ASCC3: variants seen among roughly 807,000 people sequenced by gnomAD.
ASCC3 encodes the protein activating signal cointegrator 1 complex subunit 3, also known as ASC-1 complex subunit P200.
ASCC3 carries 158 observed loss-of-function variants against 256.3 expected under a neutral mutation model. The ratio of observed to expected loss-of-function variants is 0.62; its 90% CI spans 0.54 to 0.70. The LOEUF is 0.70. ASCC3 is among the 30% of genes least tolerant of loss of function. The pLI, the probability that ASCC3 is intolerant of heterozygous loss-of-function variation, is 0.00. For synonymous variants in ASCC3, 948 were observed against 883.4 expected, an observed-to-expected ratio of 1.07 and a Z score of -1.30; for missense variants, 2,259 against 2,626.0, an observed-to-expected ratio of 0.86 and a Z score of 3.05.
chr6:100,609,600 T>G (rs1177721501), intron 30 of ASCC3, among the ~76,000 whole-genome samples: 1 of 152,084 alleles, frequency 6.6e-6, no homozygotes, highest in Non-Finnish European at 1.5e-5. Context: ...ACAAAATTTG[T>G]TGTAAAGAAC....
At chr6:100,700,730 T>C (rs951815044) in intron 13 of ASCC3, among the ~76,000 whole-genome samples, 1 of 152,232 alleles carries the variant, frequency 6.6e-6, no homozygotes. Flanking sequence ...CCACTGGATT[T>C]TGGACTTGTA....
intron 25 of ASCC3, among the ~76,000 whole-genome samples, chr6:100,634,510 T>C (rs1403651376): frequency 6.6e-6 from 1 of 152,046 alleles, no homozygotes; most frequent in East Asian, 1.9e-4. Flanking sequence ...TAAAAAGTTA[T>C]AATCCAAAAT....
rs1269827609 is a variant in ASCC3 at position 100,642,565 on chromosome 6, G to A, written c.3901+16C>T. ...TTGGAAAAATCAATGATTCAAATCA[G>A]CATTCACCATGTTACCTGTATGAGG... On this transcript the variant is annotated intron_variant, in intron 24 of 41. Transcript: ENST00000369162. The A allele has an allele frequency of 6.2e-7, 1 of 1,612,756 alleles. No homozygotes were observed. Among genetic ancestry groups the A allele is most frequent in the Admixed American group, 1.7e-5 (1 of 60,014 alleles).
At chr6:100,589,295 T>G (rs773476431) in intron 36 of ASCC3, among the ~76,000 whole-genome samples, 7 of 152,110 alleles carry the variant, frequency 4.6e-5, no homozygotes, top group Non-Finnish European at 8.8e-5. Flanking sequence ...TCCAAAAAAG[T>G]AATAAGAAAA....
intron 36 of ASCC3, among the ~76,000 whole-genome samples, chr6:100,580,782 T>C (rs1030537872): frequency 7.3e-6 from 1 of 136,406 alleles, no homozygotes; most frequent in Non-Finnish European, 1.5e-5. Flanking sequence ...CCTTCCTGTG[T>C]CCATGTGTTC....
chr6:100,830,775 C>T (rs1170267661), intron 4 of ASCC3, among the ~76,000 whole-genome samples: 2 of 152,194 alleles, frequency 1.3e-5, no homozygotes, highest in African/African-American at 4.8e-5. Context: ...TGTTTCTGGG[C>T]ATCAGGTGAT....
intron 36 of ASCC3, among the ~76,000 whole-genome samples, chr6:100,573,150 A>G (rs1290606577): frequency 6.6e-6 from 1 of 152,124 alleles, no homozygotes; most frequent in Non-Finnish European, 1.5e-5. Context: ...CATAAAAATG[A>G]TACTGAAACA....
In ASCC3 at chr6:100,508,289, A is replaced by T. The variant is rs1262320247; in HGVS notation, c.*1097T>A. On this transcript the variant is annotated 3_prime_UTR_variant, in exon 42 of 42. Coordinates refer to ENST00000369162, the MANE Select transcript of ASCC3 (RefSeq NM_006828.4). The stretch of plus-strand genomic sequence containing the variant: ...ACACTTAAATTCTAGTATTTGTAAC[A>T]ATGACATTGGAAAATGTTTTAAAAT... 8.5e-5 allele frequency: 13 copies of T among 152,234 alleles called. No homozygotes were observed. Among genetic ancestry groups the T allele is most frequent in the Non-Finnish European group, 1.6e-4 (11 of 68,030 alleles). The allele number at this position is 152,234 out of a possible 1,614,324, so 9.4% of individuals were successfully genotyped here. A position where few individuals can be genotyped will look rare whatever the true frequency, so the allele number is the denominator to read the frequency against.
Position 100,642,983 on chromosome 6 carries a change from T to C in ASCC3, c.3733-234A>G, listed in dbSNP as rs114430170. 2.2e-3 allele frequency among the ~76,000 whole-genome samples: 335 copies of C among 152,326 alleles called. 3 individuals are homozygous for C. Among genetic ancestry groups the C allele is most frequent in the African/African-American group, 7.9e-3 (327 of 41,582 alleles). On this transcript the variant is annotated intron_variant, in intron 23 of 41. Coordinates refer to ENST00000369162, the MANE Select transcript of ASCC3 (RefSeq NM_006828.4). Reference sequence around the variant, plus strand: ...AATTTATATTATTTACATATGCATATAATCATGTATTAACAAGTTACCAAT... The same window carrying C: ...AATTTATATTATTTACATATGCATACAATCATGTATTAACAAGTTACCAAT...
chr6:100,624,813 T>C (rs1180549127), intron 30 of ASCC3, among the ~76,000 whole-genome samples: 2 of 151,892 alleles, frequency 1.3e-5, no homozygotes. Context: ...GAAAGGATAA[T>C]AACAGGTTTT....
At chr6:100,742,577 G>GC (rs1780488371) in intron 10 of ASCC3, among the ~76,000 whole-genome samples, 1 of 152,184 alleles carries the variant, frequency 6.6e-6, no homozygotes, top group African/African-American at 2.4e-5. Context: ...AGTGGCTGAA[G>GC]CCCCCACAGG....
Position 100,833,898 on chromosome 6 carries a change from C to G in ASCC3, c.801+14250G>C, listed in dbSNP as rs116940197. ...TTTGAGACCAGCATGGCCAACATGT[C>G]AAAACCCCATCTTTACTAAAAATAC... On this transcript the variant is annotated intron_variant, in intron 4 of 41. Transcript: ENST00000369162. Among the ~76,000 whole-genome samples, 1,021 of 152,098 alleles carry G rather than the reference C, an allele frequency of 6.7e-3. 5 individuals carry two copies. The highest frequency in any genetic ancestry group is 0.011 in the Non-Finnish European group (746 of 67,962).
intron 13 of ASCC3, among the ~76,000 whole-genome samples, chr6:100,709,713 GTA>G (rs1395636320): frequency 2.0e-5 from 3 of 152,020 alleles, no homozygotes; most frequent in Admixed American, 1.3e-4. Context: ...TGTATATATG[GTA>G]TAATTATAAT....
At chr6:100,594,851 A>T (rs1772200333) in intron 34 of ASCC3, among the ~76,000 whole-genome samples, 1 of 152,152 alleles carries the variant, frequency 6.6e-6, no homozygotes, top group African/African-American at 2.4e-5. Flanking sequence ...TGGAATATTT[A>T]AAAAAGAAGG....
intron 20 of ASCC3, among the ~76,000 whole-genome samples, chr6:100,649,225 A>G (rs545961019): frequency 1.4e-3 from 217 of 151,902 alleles, no homozygotes; most frequent in African/African-American, 4.9e-3. Flanking sequence ...ATTGTAAGCA[A>G]TTCTTATGTC....
chr6:100,770,667 A>G (rs1254683776), intron 8 of ASCC3, among the ~76,000 whole-genome samples: 3 of 152,028 alleles, frequency 2.0e-5, no homozygotes, highest in Admixed American at 6.5e-5. Flanking sequence ...ATCAACAACT[A>G]AAAAATTACA....
chr6:100,743,531 A>G (rs1780530356), intron 10 of ASCC3, among the ~76,000 whole-genome samples: 1 of 152,116 alleles, frequency 6.6e-6, no homozygotes, highest in Non-Finnish European at 1.5e-5. Flanking sequence ...CTTATCTCCC[A>G]TAAGGCAACA....
intron 24 of ASCC3, among the ~76,000 whole-genome samples, chr6:100,641,620 T>A (rs893607111): frequency 6.6e-6 from 1 of 152,172 alleles, no homozygotes; most frequent in African/African-American, 2.4e-5. Flanking sequence ...TCCTCAGGGA[T>A]CTAGAACTAG....
At chr6:100,725,463 C>A in intron 11 of ASCC3, 76 bp downstream of exon 11, 1 of 1,438,432 alleles carries the variant, frequency 7.0e-7, no homozygotes, top group South Asian at 1.2e-5. Context: ...CACAGGTCTA[C>A]AGTGAAAATG....
Sources: allele counts gnomAD v4.1 joint callset (sites outside exome capture counted in the v4.1 genomes callset), GRCh38; gene constraint gnomAD v4.1.1; transcripts MANE v1.5; gene names NCBI Gene and HGNC (gene_info 2026-07-23, HGNC 2026-07-21).